PCDH9: variants seen among roughly 807,000 people sequenced by gnomAD.
PCDH9 encodes the protein protocadherin-9.
Under a neutral mutation model 70.6 loss-of-function variants are expected in PCDH9, and 24 were observed. The ratio of observed to expected loss-of-function variants is 0.34; its 90% CI spans 0.25 to 0.48. The LOEUF (loss-of-function observed/expected upper bound fraction) is 0.48, where lower values mean the gene tolerates loss of function less well. Among genes scored for constraint, PCDH9 ranks in the 20% least tolerant of loss-of-function variants. The pLI is 0.99. For missense variants in PCDH9, 1,281 were observed against 1,503.6 expected (o/e 0.85, Z 2.45); for synonymous variants, 562 against 558.5 (o/e 1.01, Z -0.09).
chr13:67,130,235 A>G (rs924794559), intron 2 of PCDH9, among the ~76,000 whole-genome samples: 16 of 152,180 alleles, frequency 1.1e-4, no homozygotes, highest in Admixed American at 6.6e-5. Context: ...TAAAGGGATT[A>G]TTTCAATGTA....
chr13:66,313,234 T>C (rs1771067202), intron 4 of PCDH9, among the ~76,000 whole-genome samples: 1 of 152,250 alleles, frequency 6.6e-6, no homozygotes, highest in Middle Eastern at 3.2e-3. Context: ...CTGCTTGATG[T>C]GGAACATTGT....
At chr13:66,393,365 C>T (rs1443954883) in intron 4 of PCDH9, among the ~76,000 whole-genome samples, 1 of 152,182 alleles carries the variant, frequency 6.6e-6, no homozygotes, top group Non-Finnish European at 1.5e-5. Flanking sequence ...CCACTGCTAA[C>T]TCTTTTATAT....
intron 4 of PCDH9, among the ~76,000 whole-genome samples, chr13:66,481,212 G>A (rs913908756): frequency 1.3e-5 from 2 of 151,058 alleles, no homozygotes; most frequent in Non-Finnish European, 2.9e-5. Context: ...CAAATGACGG[G>A]TTGATGGATG....
chr13:67,024,153 C>T (rs903080344), intron 2 of PCDH9, among the ~76,000 whole-genome samples: 17 of 152,042 alleles, frequency 1.1e-4, no homozygotes, highest in Non-Finnish European at 1.0e-4. Flanking sequence ...GGTATTTTAC[C>T]TACAATTACT....
At position 66,617,865 on chromosome 13, in the gene PCDH9, C is replaced by T. The variant is rs2077376249; in HGVS notation, c.3340+13345G>A. ...CTGAGGGACCTCAGACTGCCGTTTC[C>T]ACAAAACGGCGTCCCCTGTCAGCAG... On this transcript the variant is annotated intron_variant, in intron 4 of 4. Transcript: ENST00000377865. Among the ~76,000 whole-genome samples the T allele has an allele frequency of 5.3e-5, 8 of 151,892 alleles. No individual in the cohort carries two copies. The South Asian group carries it at 1.5e-3, about 28-fold the overall frequency.
In PCDH9 at chr13:66,634,451, C is replaced by T. The variant is rs117940559; in HGVS notation, c.3139-3040G>A. ...AATAAGGTGTAGGAGACAAGGATTT[C>T]TGTTGTGTTTAAGGGCTCAGTAGTA... On this transcript the variant is annotated intron_variant, in intron 3 of 4. Coordinates refer to ENST00000377865, the MANE Select transcript of PCDH9 (RefSeq NM_203487.3). Among the ~76,000 whole-genome samples, 633 of 152,216 alleles carry T rather than the reference C, an allele frequency of 4.2e-3. 18 individuals are homozygous for T. The East Asian group carries it at 0.081, about 19-fold the overall frequency.
intron 2 of PCDH9, among the ~76,000 whole-genome samples, chr13:67,106,031 T>C (rs954220830): frequency 6.6e-6 from 1 of 152,028 alleles, no homozygotes; most frequent in Admixed American, 6.6e-5. Flanking sequence ...GGCCACTAAG[T>C]TGATGATACC....
At chr13:66,466,490 C>T (rs1958515796) in intron 4 of PCDH9, among the ~76,000 whole-genome samples, 1 of 152,034 alleles carries the variant, frequency 6.6e-6, no homozygotes, top group Non-Finnish European at 1.5e-5. Context: ...GTTGCATCTC[C>T]ATGGCGTGCA....
intron 3 of PCDH9, among the ~76,000 whole-genome samples, chr13:66,653,973 T>TTAAAAA (rs556519179): frequency 1.3e-4 from 17 of 128,470 alleles, no homozygotes; most frequent in Non-Finnish European, 1.3e-4. Flanking sequence ...GTCTCAAAAT[T>TTAAAAA]AAAAAAAAAA....
At chr13:66,320,583 A>G (rs1292942736) in intron 4 of PCDH9, among the ~76,000 whole-genome samples, 1 of 151,990 alleles carries the variant, frequency 6.6e-6, no homozygotes, top group Non-Finnish European at 1.5e-5. Context: ...AAACACTCCC[A>G]AATGTTCTCC....
intron 3 of PCDH9, among the ~76,000 whole-genome samples, chr13:66,834,771 C>T (rs1055807204): frequency 6.6e-6 from 1 of 152,172 alleles, no homozygotes; most frequent in African/African-American, 2.4e-5. Flanking sequence ...TCAAATGCCA[C>T]TAATATTTAA....
chr13:67,037,871 A>G (rs2139899935), intron 2 of PCDH9, among the ~76,000 whole-genome samples: 1 of 152,320 alleles, frequency 6.6e-6, no homozygotes, highest in East Asian at 1.9e-4. Context: ...TATGGTAAAG[A>G]AGAAAGTTGA....
At chr13:66,388,161 C>T (rs150079860) in intron 4 of PCDH9, among the ~76,000 whole-genome samples, 178 of 152,108 alleles carry the variant, frequency 1.2e-3, no homozygotes, top group African/African-American at 4.2e-3. Context: ...GATATATTTC[C>T]CTTAATAATT....
At chr13:67,194,378 TTG>T (rs1286647330) in intron 2 of PCDH9, among the ~76,000 whole-genome samples, 3 of 151,974 alleles carry the variant, frequency 2.0e-5, no homozygotes, top group Non-Finnish European at 4.4e-5. Context: ...CTTTTTTTTT[TTG>T]TATTTGATTT....
intron 2 of PCDH9, among the ~76,000 whole-genome samples, chr13:67,113,672 C>G (rs983036504): frequency 4.6e-5 from 7 of 152,178 alleles, no homozygotes; most frequent in African/African-American, 9.6e-5. Context: ...CTCAGCCTCC[C>G]GAGTAGCTGG....
At chr13:66,442,258 T>A (rs1472240680) in intron 4 of PCDH9, among the ~76,000 whole-genome samples, 1 of 152,042 alleles carries the variant, frequency 6.6e-6, no homozygotes, top group African/African-American at 2.4e-5. Flanking sequence ...ACTATAGAAG[T>A]CCCTGGAGAA....
chr13:67,151,447 A>G (rs143670555), intron 2 of PCDH9, among the ~76,000 whole-genome samples: 1 of 152,230 alleles, frequency 6.6e-6, no homozygotes, highest in East Asian at 1.9e-4. Flanking sequence ...GAGATGCAAA[A>G]AGCAGAATTG....
chr13:66,537,561 A>G (rs1960762679), intron 4 of PCDH9, among the ~76,000 whole-genome samples: 1 of 151,972 alleles, frequency 6.6e-6, no homozygotes, highest in Non-Finnish European at 1.5e-5. Flanking sequence ...TTTGAAGAAT[A>G]AAAGAAATCC....
chr13:66,893,857 T>C (rs749027351), intron 3 of PCDH9, among the ~76,000 whole-genome samples: 12 of 152,180 alleles, frequency 7.9e-5, no homozygotes, highest in Non-Finnish European at 1.3e-4. Context: ...CAACCTATTC[T>C]ATTCTACTCT....
Sources: allele counts gnomAD v4.1 joint callset (sites outside exome capture counted in the v4.1 genomes callset), GRCh38; gene constraint gnomAD v4.1.1; transcripts MANE v1.5; gene names NCBI Gene and HGNC (gene_info 2026-07-23, HGNC 2026-07-21).